ST8SIA1: variants seen among roughly 807,000 people sequenced by gnomAD.
ST8SIA1 encodes the protein ST8 alpha-N-acetyl-neuraminide alpha-2,8-sialyltransferase 1.
ST8SIA1 carries 16 observed loss-of-function variants against 35.9 expected under a neutral mutation model. The observed-to-expected ratio is 0.45, with a 90% CI of 0.30 to 0.68. The LOEUF (loss-of-function observed/expected upper bound fraction) is 0.68. ST8SIA1 is among the 30% of genes least tolerant of loss of function. The pLI, the probability that ST8SIA1 is intolerant of heterozygous loss-of-function variation, is 0.09. For synonymous variants in ST8SIA1, 170 were observed against 169.6 expected (o/e 1.00, Z -0.02); for missense variants, 383 against 453.6 (o/e 0.84, Z 1.41).
chr12:22,255,140 C>CTAT (rs1379910087), intron 3 of ST8SIA1, 140 bp downstream of exon 3: 2 of 694,366 alleles, frequency 2.9e-6, no homozygotes, highest in Non-Finnish European at 5.0e-6. Context: ...ACTCGCTTGT[C>CTAT]TATGAGCTGG....
Position 22,257,790 on chromosome 12 carries a change from G to A in ST8SIA1, c.382-2401C>T, listed in dbSNP as rs375556748. Among the ~76,000 whole-genome samples, 5 of 151,886 alleles carry A rather than the reference G, an allele frequency of 3.3e-5. 1 individual carries two copies. In the East Asian group the frequency reaches 7.8e-4, roughly 24 times the overall value. On this transcript the variant is annotated intron_variant, in intron 2 of 4. Transcript: ENST00000396037. ...GGAGGTTGGGAAATACATTCTGCAG[G>A]GCCTTATAGGGTATTGTAAAGACAT... is the stretch of plus-strand genomic sequence containing the variant.
chr12:22,288,049 G>T (rs978505804), intron 1 of ST8SIA1, among the ~76,000 whole-genome samples: 16 of 152,076 alleles, frequency 1.1e-4, no homozygotes, highest in African/African-American at 3.9e-4. Context: ...CACCCTTCTG[G>T]GCTGACTTGC....
chr12:22,273,141 C>A (rs143673688), intron 2 of ST8SIA1, among the ~76,000 whole-genome samples: 11 of 152,108 alleles, frequency 7.2e-5, no homozygotes, highest in Non-Finnish European at 1.2e-4. Context: ...CAGGTCCTGG[C>A]GAAACCCCAC....
chr12:22,244,487 T>C (rs1326504263), intron 4 of ST8SIA1, among the ~76,000 whole-genome samples: 3 of 152,160 alleles, frequency 2.0e-5, no homozygotes, highest in Non-Finnish European at 4.4e-5. Flanking sequence ...ATTATTTTAC[T>C]GTCTCACTCG....
rs1245545290 is a variant in ST8SIA1, at chr12:22,195,122, G to A, written c.*6430C>T. The A allele has an allele frequency of 2.0e-5, 3 of 148,870 alleles. No individual in the cohort carries two copies. In the East Asian group the frequency reaches 5.9e-4, roughly 29 times the overall value. 9.2% of individuals were successfully genotyped at this position (148,870 alleles called of 1,614,324 possible). ...CGCTTGAACCTGGGAGGCGGAGGTT[G>A]CGGTGAGCCGAGATCACGCCATTGC... On this transcript the variant is annotated 3_prime_UTR_variant, in exon 5 of 5. Coordinates refer to ENST00000396037, the MANE Select transcript of ST8SIA1 (RefSeq NM_003034.4).
At chr12:22,294,116 C>A (rs1045060276) in intron 1 of ST8SIA1, among the ~76,000 whole-genome samples, 7 of 151,980 alleles carry the variant, frequency 4.6e-5, no homozygotes. Flanking sequence ...GTGGCAGAAG[C>A]TGCTCTGAAG....
Position 22,334,017 on chromosome 12 carries a change from C to A in ST8SIA1, c.216G>T (p.Gln72His). The change falls in exon 1 of 5, where the codon CAG becomes CAT. Residue 72 changes from glutamine to histidine, a missense_variant. Coordinates refer to ENST00000396037, the MANE Select transcript of ST8SIA1 (RefSeq NM_003034.4). ...LQQGTAWRRNQTAARAFRKQM... is the reference protein window; with the variant it reads ...LQQGTAWRRNHTAARAFRKQM... ...AGTACCTGAACGCTCTGGCCGCGGT[C>A]TGGTTCCTCCTCCACGCCGTGCCCT... is the stretch of plus-strand genomic sequence containing the variant. 6.2e-7 allele frequency: 1 copy of A among 1,613,944 alleles called. No homozygotes were observed. Among genetic ancestry groups the A allele is most frequent in the Non-Finnish European group, 8.5e-7 (1 of 1,179,996 alleles).
At chr12:22,295,835 ATTTAT>A (rs1866236959) in intron 1 of ST8SIA1, among the ~76,000 whole-genome samples, 1 of 152,190 alleles carries the variant, frequency 6.6e-6, no homozygotes, top group African/African-American at 2.4e-5. Flanking sequence ...AAGGAAGACG[ATTTAT>A]TTTAACAAAG....
At chr12:22,331,717 C>G (rs1044276175) in intron 1 of ST8SIA1, among the ~76,000 whole-genome samples, 1 of 152,152 alleles carries the variant, frequency 6.6e-6, no homozygotes, top group African/African-American at 2.4e-5. Context: ...AACCATGAAA[C>G]TTCTCCTACC....
At chr12:22,204,737 T>G (rs1865087886) in intron 4 of ST8SIA1, among the ~76,000 whole-genome samples, 1 of 152,350 alleles carries the variant, frequency 6.6e-6, no homozygotes, top group Middle Eastern at 3.4e-3. Context: ...CCTAATTTTA[T>G]TGACAGTTAT....
intron 1 of ST8SIA1, among the ~76,000 whole-genome samples, chr12:22,321,060 G>T (rs1031667018): frequency 1.4e-5 from 2 of 140,238 alleles, no homozygotes; most frequent in Non-Finnish European, 3.2e-5. Flanking sequence ...AGAAAAGGAA[G>T]AGTCTGCAGA....
intron 4 of ST8SIA1, among the ~76,000 whole-genome samples, chr12:22,243,203 T>C (rs931904921): frequency 4.6e-5 from 7 of 152,206 alleles, no homozygotes; most frequent in Non-Finnish European, 1.0e-4. Context: ...TTATAACTTC[T>C]GATAGAATAT....
intron 4 of ST8SIA1, among the ~76,000 whole-genome samples, chr12:22,222,112 A>G (rs2120665059): frequency 6.6e-6 from 1 of 152,372 alleles, no homozygotes; most frequent in African/African-American, 2.4e-5. Context: ...AAGTTTATTA[A>G]CATTTAACAA....
chr12:22,289,334 G>A (rs1866146763), intron 1 of ST8SIA1, among the ~76,000 whole-genome samples: 1 of 151,958 alleles, frequency 6.6e-6, no homozygotes, highest in Non-Finnish European at 1.5e-5. Context: ...TCTCATCTGA[G>A]GAAACAGGCT....
intron 4 of ST8SIA1, among the ~76,000 whole-genome samples, chr12:22,240,255 AAC>A (rs1273448085): frequency 6.6e-6 from 1 of 152,166 alleles, no homozygotes; most frequent in Non-Finnish European, 1.5e-5. Flanking sequence ...AGTAGGCAGA[AAC>A]ACTTACTAGC....
chr12:22,269,954 A>G (rs1005080066), intron 2 of ST8SIA1, among the ~76,000 whole-genome samples: 2 of 152,232 alleles, frequency 1.3e-5, no homozygotes, highest in African/African-American at 4.8e-5. Context: ...TACAGAAATT[A>G]GCAACTGAGT....
chr12:22,270,741 C>T (rs1241875116), intron 2 of ST8SIA1, among the ~76,000 whole-genome samples: 1 of 152,104 alleles, frequency 6.6e-6, no homozygotes, highest in African/African-American at 2.4e-5. Context: ...CACTAAAAGC[C>T]CTGACTTCAC....
At chr12:22,273,092 T>C (rs552721780) in intron 2 of ST8SIA1, among the ~76,000 whole-genome samples, 1 of 152,256 alleles carries the variant, frequency 6.6e-6, no homozygotes, top group African/African-American at 2.4e-5. Context: ...TTCTTACCGA[T>C]AATGACAGGA....
At chr12:22,204,146 A>G (rs912515955) in intron 4 of ST8SIA1, among the ~76,000 whole-genome samples, 1 of 151,424 alleles carries the variant, frequency 6.6e-6, no homozygotes, top group African/African-American at 2.4e-5. Flanking sequence ...ACATATCCTA[A>G]AGAACTCATG....
Sources: allele counts gnomAD v4.1 joint callset (sites outside exome capture counted in the v4.1 genomes callset), GRCh38; gene constraint gnomAD v4.1.1; transcripts MANE v1.5; gene names NCBI Gene and HGNC (gene_info 2026-07-23, HGNC 2026-07-21).